Variants in CCDC138 observed in about 807,000 individuals in gnomAD.
The protein encoded by CCDC138 is coiled-coil domain-containing protein 138.
Under a neutral mutation model 82.3 loss-of-function variants are expected in CCDC138, and 66 were observed. That is an observed-to-expected ratio of 0.80 (90% CI 0.66 to 0.98). CCDC138 has a LOEUF of 0.98. Among genes scored for constraint, CCDC138 ranks in the 50% least tolerant of loss-of-function variants. The pLI is 0.00. For missense variants in CCDC138, 816 were observed against 758.9 expected, an observed-to-expected ratio of 1.08 and a Z score of -0.88; for synonymous variants, 297 against 265.4, an observed-to-expected ratio of 1.12 and a Z score of -1.16.
intron 10 of CCDC138, among the ~76,000 whole-genome samples, chr2:108,834,665 T>C (rs1219019911): frequency 6.6e-6 from 1 of 152,250 alleles, no homozygotes; most frequent in Non-Finnish European, 1.5e-5. Flanking sequence ...ATTAAGTATA[T>C]TCCCAATGCT....
rs948933730 is a variant in CCDC138 at position 108,838,356 on chromosome 2, A to G, written c.1207-829A>G. On this transcript the variant is annotated intron_variant, in intron 10 of 14. Coordinates refer to ENST00000295124, the MANE Select transcript of CCDC138 (RefSeq NM_144978.3). ...AAATACATATATGTATATACACACA[A>G]TACACTCATAATCATTAGTCCGGAG... is the stretch of plus-strand genomic sequence containing the variant. 3.9e-4 allele frequency among the ~76,000 whole-genome samples: 60 copies of G among 152,218 alleles called. 3 individuals are homozygous for G. The highest frequency in any genetic ancestry group is 2.9e-5 in the Non-Finnish European group (2 of 68,038).
chr2:108,833,122 A>G (rs113597361), intron 10 of CCDC138, among the ~76,000 whole-genome samples: 4 of 152,260 alleles, frequency 2.6e-5, no homozygotes, highest in African/African-American at 9.6e-5. Flanking sequence ...AAAGAGGAGC[A>G]GAGCACAGGC....
intron 12 of CCDC138, among the ~76,000 whole-genome samples, chr2:108,848,443 CAG>C (rs1477606032): frequency 6.6e-6 from 1 of 152,106 alleles, no homozygotes; most frequent in Non-Finnish European, 1.5e-5. Flanking sequence ...AGAAATATAA[CAG>C]GGCATAAGAA....
At chr2:108,883,919 G>T (rs1434878259) in intron 2 of CCDC138, 2 of 147,542 alleles carry the variant, frequency 1.4e-5, no homozygotes, top group Non-Finnish European at 3.0e-5. Context: ...ATGTGAACTT[G>T]TTTTGATTTT....
intron 5 of CCDC138, among the ~76,000 whole-genome samples, chr2:108,797,985 T>C (rs1269942155): frequency 6.7e-6 from 1 of 148,962 alleles, no homozygotes; most frequent in Non-Finnish European, 1.5e-5. Context: ...TTTTCTCCAG[T>C]GGTACTTAGC....
intron 12 of CCDC138, among the ~76,000 whole-genome samples, chr2:108,850,059 T>C (rs1691194658): frequency 6.6e-6 from 1 of 152,194 alleles, no homozygotes; most frequent in Admixed American, 6.5e-5. Context: ...TAGGAAGAAA[T>C]GTCAGAGCCA....
chr2:108,871,054 C>T (rs1052478546), intron 13 of CCDC138, among the ~76,000 whole-genome samples: 2 of 151,884 alleles, frequency 1.3e-5, no homozygotes, highest in African/African-American at 2.4e-5. Context: ...TAGAAATAGC[C>T]GTCATTAATG....
intron 4 of CCDC138, among the ~76,000 whole-genome samples, chr2:108,793,891 C>G (rs990599532): frequency 6.6e-6 from 1 of 151,838 alleles, no homozygotes; most frequent in African/African-American, 2.4e-5. Context: ...CGTGAGCCAC[C>G]GCGCCCTGCC....
chr2:108,872,582 G>C (rs1009022902), intron 13 of CCDC138, among the ~76,000 whole-genome samples: 1 of 152,114 alleles, frequency 6.6e-6, no homozygotes, highest in Non-Finnish European at 1.5e-5. Flanking sequence ...GTATATTCTA[G>C]AGGCTGGGAA....
chr2:108,882,021 G>A (rs1453937995), intron 1 of CCDC138, among the ~76,000 whole-genome samples: 1 of 151,998 alleles, frequency 6.6e-6, no homozygotes, highest in African/African-American at 2.4e-5. Context: ...AGTCATAGTG[G>A]CAGGCGCTTG....
At chr2:108,862,071 A>T in intron 13 of CCDC138, among the ~76,000 whole-genome samples, 1 of 101,194 alleles carries the variant, frequency 9.9e-6, no homozygotes, top group Non-Finnish European at 1.9e-5. Context: ...TCTTGGTATG[A>T]TTTCAGTTTT....
intron 12 of CCDC138, among the ~76,000 whole-genome samples, chr2:108,851,509 C>T (rs772519261): frequency 3.3e-5 from 5 of 152,098 alleles, no homozygotes; most frequent in Non-Finnish European, 7.4e-5. Context: ...ACCACATTGG[C>T]CAGGCTGGTG....
At chr2:108,819,784 G>A (rs1685353785) in intron 10 of CCDC138, among the ~76,000 whole-genome samples, 1 of 151,946 alleles carries the variant, frequency 6.6e-6, no homozygotes, top group African/African-American at 2.4e-5. Flanking sequence ...AGGATCAGAA[G>A]GCATACAAAG....
intron 14 of CCDC138, among the ~76,000 whole-genome samples, chr2:108,875,706 A>C (rs1695932935): frequency 6.6e-6 from 1 of 152,108 alleles, no homozygotes; most frequent in South Asian, 2.1e-4. Flanking sequence ...AAAAATAAAC[A>C]AAATTAGCCA....
intron 1 of CCDC138, chr2:108,882,369 A>T (rs1696317205): frequency 6.6e-6 from 1 of 152,204 alleles, no homozygotes; most frequent in African/African-American, 2.4e-5. Context: ...GTAAAGTTGA[A>T]GTGCAACAAA....
At chr2:108,842,995 A>C (rs1265079156) in intron 11 of CCDC138, among the ~76,000 whole-genome samples, 2 of 152,172 alleles carry the variant, frequency 1.3e-5, no homozygotes, top group Non-Finnish European at 2.9e-5. Flanking sequence ...TTCAACCGTC[A>C]AACAGAATTT....
chr2:108,844,254 GGTT>G (rs1443409553), intron 11 of CCDC138, among the ~76,000 whole-genome samples: 1 of 152,060 alleles, frequency 6.6e-6, no homozygotes, highest in Non-Finnish European at 1.5e-5. Context: ...AAGTTCTGGT[GGTT>G]GTTGTTATTT....
chr2:108,816,004 C>T lies in CCDC138; in HGVS notation c.1105C>T (p.His369Tyr). 1 of 1,613,542 alleles carries T rather than the reference C, an allele frequency of 6.2e-7. No individual in the cohort carries two copies. The highest frequency in any genetic ancestry group is 8.5e-7 in the Non-Finnish European group (1 of 1,179,612). Residue 369 changes from histidine to tyrosine, a missense_variant, in exon 10 of 15, where the codon CAT becomes TAT. Transcript: ENST00000295124. ...TVFMDWISDH[H>Y]LSKVKHEESG... ...CTTCATGGACTGGATTTCGGATCAT[C>T]ATCTTAGCAAAGTGAAACATGAAGA...
chr2:108,838,460 G>A, intron 10 of CCDC138, among the ~76,000 whole-genome samples: 1 of 152,112 alleles, frequency 6.6e-6, no homozygotes, highest in East Asian at 1.9e-4. Flanking sequence ...AAACAGTGTA[G>A]CAATAAATAT....
Sources: gnomAD v4.1 joint callset for allele counts (sites outside exome capture counted in the v4.1 genomes callset) on GRCh38, gnomAD v4.1.1 for gene constraint, MANE v1.5 for transcripts, NCBI Gene and HGNC (gene_info 2026-07-23, HGNC 2026-07-21) for gene names.